TOM1L2: variants seen among roughly 807,000 people sequenced by gnomAD.
TOM1L2 encodes TOM1-like protein 2.
A neutral mutation model predicts 67.9 loss-of-function variants in TOM1L2; 31 were observed. The observed-to-expected ratio is 0.46, with a 90% confidence interval of 0.34 to 0.62. The LOEUF is 0.62. TOM1L2 is among the 20% of genes least tolerant of loss of function. TOM1L2 has a pLI of 0.01. For missense variants in TOM1L2, 606 were observed against 663.5 expected, an observed-to-expected ratio of 0.91 and a Z score of 0.95; for synonymous variants, 256 against 254.0, an observed-to-expected ratio of 1.01 and a Z score of -0.07.
At chr17:17,972,182 G>T (rs1373747107) in intron 1 of TOM1L2, 80 bp downstream of exon 1, 2 of 1,518,100 alleles carry the variant, frequency 1.3e-6, no homozygotes, top group Non-Finnish European at 8.9e-7. Context: ...TGGCACCGGC[G>T]CCCGGCGGAG....
Position 17,847,522 on chromosome 17 carries a change from G to T in TOM1L2, c.*113C>A. Reference sequence around the variant, plus strand: ...GAGCAGACACGGTGGCATTTCCATGGAAACACAGGTGTGCAGGCCGTGTGG... The same window carrying T: ...GAGCAGACACGGTGGCATTTCCATGTAAACACAGGTGTGCAGGCCGTGTGG... On this transcript the variant is annotated 3_prime_UTR_variant, in exon 15 of 15. Transcript: ENST00000379504. The T allele has an allele frequency of 1.4e-6, 2 of 1,397,706 alleles. No homozygotes were observed. Among genetic ancestry groups the T allele is most frequent in the Non-Finnish European group, 1.9e-6 (2 of 1,044,934 alleles). The allele number at this position is 1,397,706 out of a possible 1,614,324, so 86.6% of individuals were successfully genotyped here. A position where few individuals can be genotyped will look rare whatever the true frequency, so the allele number is the denominator to read the frequency against.
At position 17,845,293 on chromosome 17, in the gene TOM1L2, T is replaced by A. The variant is rs1034825647; in HGVS notation, c.*2342A>T. 2 of 152,192 alleles carry A rather than the reference T, an allele frequency of 1.3e-5. No individual in the cohort carries two copies. The highest frequency in any genetic ancestry group is 4.8e-5 in the African/African-American group (2 of 41,446). The allele number at this position is 152,192 out of a possible 1,614,324, so 9.4% of individuals were successfully genotyped here. On this transcript the variant is annotated 3_prime_UTR_variant, in exon 15 of 15. Coordinates refer to ENST00000379504, the MANE Select transcript of TOM1L2 (RefSeq NM_001082968.2). Reference sequence around the variant, plus strand: ...CTGCCAGCCCATACAGGTCCACCACTCCCTGCTGCCCCTGGGGCAGCCAGG... The same window carrying A: ...CTGCCAGCCCATACAGGTCCACCACACCCTGCTGCCCCTGGGGCAGCCAGG...
At chr17:17,860,240 G>A (rs1236114797) in intron 12 of TOM1L2, among the ~76,000 whole-genome samples, 1 of 152,268 alleles carries the variant, frequency 6.6e-6, no homozygotes, top group African/African-American at 2.4e-5. Context: ...GCTGGGGCAG[G>A]TGGGAGGACA....
At chr17:17,928,213 T>C (rs183274248) in intron 1 of TOM1L2, among the ~76,000 whole-genome samples, 4 of 151,468 alleles carry the variant, frequency 2.6e-5, no homozygotes, top group East Asian at 3.9e-4. Context: ...GACCCGGCAA[T>C]AGCCCCCTAA....
At chr17:17,888,410 A>C (rs1220767146) in intron 4 of TOM1L2, among the ~76,000 whole-genome samples, 1 of 152,234 alleles carries the variant, frequency 6.6e-6, no homozygotes, top group African/African-American at 2.4e-5. Flanking sequence ...CAAAGCTTTG[A>C]ATCATCAAAT....
intron 1 of TOM1L2, among the ~76,000 whole-genome samples, chr17:17,958,121 G>T (rs2041539898): frequency 6.6e-6 from 1 of 151,300 alleles, no homozygotes; most frequent in Non-Finnish European, 1.5e-5. Flanking sequence ...AAAACTAAAA[G>T]CCACTTTGAT....
At chr17:17,873,472 C>T (rs539398085) in intron 7 of TOM1L2, among the ~76,000 whole-genome samples, 3 of 152,286 alleles carry the variant, frequency 2.0e-5, no homozygotes, top group East Asian at 1.9e-4. Context: ...CCCATCTGCA[C>T]TCCACACAGC....
intron 7 of TOM1L2, among the ~76,000 whole-genome samples, chr17:17,873,334 G>A (rs1328665316): frequency 2.6e-5 from 4 of 152,032 alleles, no homozygotes; most frequent in Non-Finnish European, 5.9e-5. Context: ...TCATCTTCCT[G>A]TCCACATACA....
At position 17,869,450 on chromosome 17, in the gene TOM1L2, G is replaced by A. The variant is rs774957842; in HGVS notation, c.801C>T (p.Ala267=). The A allele has an allele frequency of 8.1e-6, 13 of 1,611,404 alleles. No individual in the cohort carries two copies. The highest frequency in any genetic ancestry group is 1.1e-5 in the Non-Finnish European group (13 of 1,179,010). ...TGAGCTCCACGATGCGCTGCTGCAT[G>A]GCCCGACAGGTCCTGTTGAGCTCCT... ...LLQELNRTCR[A]MQQRIVELIS... The change falls in exon 8 of 15, where the codon GCC becomes GCT. Residue 267 remains alanine (A), a synonymous_variant. Transcript: ENST00000379504.
At chr17:17,861,818 TTGAG>T in intron 11 of TOM1L2, 1 of 412,716 alleles carries the variant, frequency 2.4e-6, no homozygotes, top group Non-Finnish European at 4.4e-6. Flanking sequence ...CATCCCTCTC[TTGAG>T]TAACAATACT....
intron 12 of TOM1L2, among the ~76,000 whole-genome samples, chr17:17,851,492 G>T (rs570071228): frequency 1.7e-4 from 26 of 152,294 alleles, no homozygotes; most frequent in African/African-American, 5.5e-4. Context: ...TTTGAAATGC[G>T]TCCTGGTGCA....
intron 1 of TOM1L2, among the ~76,000 whole-genome samples, chr17:17,920,983 A>T (rs777022972): frequency 6.6e-6 from 1 of 152,206 alleles, no homozygotes; most frequent in Non-Finnish European, 1.5e-5. Context: ...TAAAAAGTTA[A>T]CATTGGTATA....
At chr17:17,880,888 G>A (rs759252685) in intron 6 of TOM1L2, among the ~76,000 whole-genome samples, 6 of 152,198 alleles carry the variant, frequency 3.9e-5, no homozygotes, top group Non-Finnish European at 8.8e-5. Context: ...CCCAGCTTAA[G>A]TGACAACTTC....
rs945614441 is a variant in TOM1L2, at chr17:17,945,290, ACTCT to A, written c.52+26968_52+26971del. Among the ~76,000 whole-genome samples the A allele has an allele frequency of 1.8e-3, 258 of 146,506 alleles. 1 individual carries two copies. Among genetic ancestry groups the A allele is most frequent in the African/African-American group, 3.3e-3 (130 of 39,304 alleles). On this transcript the variant is annotated intron_variant, in intron 1 of 14. Coordinates refer to ENST00000379504, the MANE Select transcript of TOM1L2 (RefSeq NM_001082968.2). ...CATACACACACACACACACACACAC[ACTCT>A]CTCTCTCTCTCTCTCTCATTCCTTG... is the stretch of plus-strand genomic sequence containing the variant.
At chr17:17,850,994 G>A (rs761402820) in intron 12 of TOM1L2, 42 bp from the exon 13 acceptor site, 2 of 1,607,096 alleles carry the variant, frequency 1.2e-6, no homozygotes, top group Non-Finnish European at 1.7e-6. Flanking sequence ...CCCCCACACA[G>A]CCAGCGAGGG....
chr17:17,919,209 G>A (rs1339193409), intron 1 of TOM1L2, among the ~76,000 whole-genome samples: 2 of 152,330 alleles, frequency 1.3e-5, no homozygotes, highest in African/African-American at 4.8e-5. Flanking sequence ...GTGGCTGTTA[G>A]AGGAGACTAA....
intron 10 of TOM1L2, among the ~76,000 whole-genome samples, chr17:17,866,070 C>T (rs924924015): frequency 1.3e-5 from 2 of 152,084 alleles, no homozygotes; most frequent in African/African-American, 4.8e-5. Flanking sequence ...ATTGGAATTT[C>T]CCCCATCCCT....
At chr17:17,895,775 T>TA (rs1162730383) in intron 3 of TOM1L2, among the ~76,000 whole-genome samples, 1 of 152,200 alleles carries the variant, frequency 6.6e-6, no homozygotes, top group Admixed American at 6.5e-5. Flanking sequence ...CAACATGTGT[T>TA]AGATTTATTG....
chr17:17,913,745 C>T (rs923484093), intron 1 of TOM1L2, among the ~76,000 whole-genome samples: 1 of 152,146 alleles, frequency 6.6e-6, no homozygotes, highest in Non-Finnish European at 1.5e-5. Flanking sequence ...AGTTATCATG[C>T]CTTTGAACCC....
Sources: gnomAD v4.1 joint callset for allele counts (sites outside exome capture counted in the v4.1 genomes callset) on GRCh38, gnomAD v4.1.1 for gene constraint, MANE v1.5 for transcripts, NCBI Gene and HGNC (gene_info 2026-07-23, HGNC 2026-07-21) for gene names.